Variants in RERE observed in about 807,000 individuals in gnomAD.
RERE encodes arginine-glutamic acid dipeptide repeats protein.
Under a neutral mutation model 146.1 loss-of-function variants are expected in RERE, and 40 were observed. The observed-to-expected ratio is 0.27, with a 90% confidence interval of 0.21 to 0.36. The LOEUF (loss-of-function observed/expected upper bound fraction) is 0.36. Ranked by LOEUF, RERE falls within the 10% of genes least tolerant of loss-of-function variation. The pLI is 1.00. For synonymous variants in RERE, 1,003 were observed against 866.0 expected (o/e 1.16, Z -2.78); for missense variants, 1,933 against 2,138.7 (o/e 0.90, Z 1.90).
chr1:8,566,509 A>C (rs1466347631), intron 4 of RERE, among the ~76,000 whole-genome samples: 2 of 152,016 alleles, frequency 1.3e-5, no homozygotes, highest in Non-Finnish European at 2.9e-5. Context: ...AATCCCAGCT[A>C]CTTGGGAGGC....
chr1:8,501,338 G>A (rs1409175006), intron 8 of RERE, among the ~76,000 whole-genome samples: 1 of 108,588 alleles, frequency 9.2e-6, no homozygotes, highest in Non-Finnish European at 1.8e-5. Flanking sequence ...GAGGTGGGGG[G>A]TCAGCACCCC....
chr1:8,761,903 C>T (rs1640764373), intron 1 of RERE, among the ~76,000 whole-genome samples: 1 of 152,062 alleles, frequency 6.6e-6, no homozygotes, highest in African/African-American at 2.4e-5. Flanking sequence ...GACTGGGCAA[C>T]AAGAGTGAAA....
intron 12 of RERE, among the ~76,000 whole-genome samples, chr1:8,419,492 T>C (rs1455576981): frequency 2.0e-5 from 3 of 152,226 alleles, no homozygotes; most frequent in South Asian, 2.1e-4. Context: ...TGTTAACTAG[T>C]TGCTGCCCTC....
At chr1:8,557,718 T>A (rs528134624) in intron 4 of RERE, among the ~76,000 whole-genome samples, 195 bp from the exon 5 acceptor site, 47 of 152,106 alleles carry the variant, frequency 3.1e-4, no homozygotes, top group Non-Finnish European at 5.1e-4. Context: ...CATCAATAGA[T>A]CCCTCTCACC....
At chr1:8,547,271 A>T (rs1026228193) in intron 6 of RERE, among the ~76,000 whole-genome samples, 3 of 152,180 alleles carry the variant, frequency 2.0e-5, no homozygotes, top group Non-Finnish European at 4.4e-5. Flanking sequence ...GACAATGGTG[A>T]CATCTCAAAC....
chr1:8,790,542 A>T (rs1038044480), intron 1 of RERE, among the ~76,000 whole-genome samples: 16 of 152,206 alleles, frequency 1.1e-4, no homozygotes, highest in African/African-American at 3.6e-4. Context: ...CAGTTTTTCA[A>T]ATCCTTCATA....
chr1:8,782,757 T>C (rs995453762), intron 1 of RERE, among the ~76,000 whole-genome samples: 5 of 151,848 alleles, frequency 3.3e-5, no homozygotes, highest in African/African-American at 1.2e-4. Flanking sequence ...AACACAAAAA[T>C]TAGCTGGATG....
rs368944317 is a variant in RERE at position 8,601,999 on chromosome 1, G to A, written c.522+12562C>T. On this transcript the variant is annotated intron_variant, in intron 4 of 22. Transcript: ENST00000400908. ...CTCACAACAAAAGTGCACCCTTTGTGTGGCAATCATTTACCTGTTGTAAAA... is the reference window on the plus strand; with the variant it reads ...CTCACAACAAAAGTGCACCCTTTGTATGGCAATCATTTACCTGTTGTAAAA... Among the ~76,000 whole-genome samples, 3 of 152,310 alleles carry A rather than the reference G, an allele frequency of 2.0e-5. No homozygotes were observed. In the East Asian group the frequency reaches 5.8e-4, roughly 29 times the overall value.
intron 4 of RERE, among the ~76,000 whole-genome samples, chr1:8,607,263 G>A (rs1271500594): frequency 6.6e-6 from 1 of 151,652 alleles, no homozygotes; most frequent in Non-Finnish European, 1.5e-5. Context: ...AGGAGGCTGA[G>A]GTAGGAGGAT....
At chr1:8,796,837 T>A (rs1268362047) in intron 1 of RERE, among the ~76,000 whole-genome samples, 1 of 152,142 alleles carries the variant, frequency 6.6e-6, no homozygotes, top group Non-Finnish European at 1.5e-5. Context: ...TGTTTAAGTA[T>A]ATATAAAAGC....
chr1:8,430,727 A>AAGTGGT (rs1490145074), intron 11 of RERE, among the ~76,000 whole-genome samples: 1 of 152,222 alleles, frequency 6.6e-6, no homozygotes, highest in African/African-American at 2.4e-5. Flanking sequence ...TGCAGAGTGG[A>AAGTGGT]AGTGGTAGTG....
At chr1:8,363,655 G>C (rs919728252) in intron 15 of RERE, 7 of 202,740 alleles carry the variant, frequency 3.5e-5, no homozygotes, top group South Asian at 3.2e-4. Flanking sequence ...AAATGTATCG[G>C]AAGTTTCCAA....
chr1:8,428,093 C>T (rs1270806324), intron 11 of RERE, among the ~76,000 whole-genome samples: 2 of 152,142 alleles, frequency 1.3e-5, no homozygotes, highest in African/African-American at 4.8e-5. Flanking sequence ...ATTTCTGTGT[C>T]CATTAGTTTT....
chr1:8,694,161 C>A (rs1198090455), intron 1 of RERE, among the ~76,000 whole-genome samples: 1 of 151,976 alleles, frequency 6.6e-6, no homozygotes, highest in Non-Finnish European at 1.5e-5. Flanking sequence ...TAAAAGGCAT[C>A]CAAACAGGAA....
intron 11 of RERE, among the ~76,000 whole-genome samples, chr1:8,458,239 T>G (rs1197571169): frequency 6.6e-6 from 1 of 152,198 alleles, no homozygotes; most frequent in Non-Finnish European, 1.5e-5. Context: ...TGCCTTGTTC[T>G]CATTTTTTAA....
chr1:8,455,649 C>A (rs1028353537), intron 11 of RERE, among the ~76,000 whole-genome samples: 5 of 152,192 alleles, frequency 3.3e-5, no homozygotes, highest in Non-Finnish European at 5.9e-5. Context: ...CCAAAGAGGT[C>A]ACTGCACTGA....
At chr1:8,778,957 C>T (rs888761173) in intron 1 of RERE, among the ~76,000 whole-genome samples, 5 of 152,102 alleles carry the variant, frequency 3.3e-5, no homozygotes, top group Admixed American at 6.5e-5. Flanking sequence ...AAGCAATTCT[C>T]CTGACTCAGC....
chr1:8,689,418 C>T (rs759408820), intron 1 of RERE, among the ~76,000 whole-genome samples: 1 of 152,148 alleles, frequency 6.6e-6, no homozygotes, highest in Non-Finnish European at 1.5e-5. Flanking sequence ...AGACATTCAT[C>T]AGCAAGACTG....
intron 9 of RERE, among the ~76,000 whole-genome samples, chr1:8,497,199 A>G (rs1490962812): frequency 6.6e-6 from 1 of 152,196 alleles, no homozygotes; most frequent in Non-Finnish European, 1.5e-5. Flanking sequence ...GAAGAAAAAC[A>G]TTACTTCATC....
Sources: gnomAD v4.1 joint callset for allele counts (sites outside exome capture counted in the v4.1 genomes callset) on GRCh38, gnomAD v4.1.1 for gene constraint, MANE v1.5 for transcripts, NCBI Gene and HGNC (gene_info 2026-07-23, HGNC 2026-07-21) for gene names.